The following RFX3 variants were observed in gnomAD, a reference collection of about 807,000 sequenced individuals.
RFX3 encodes regulatory factor X3, also known as transcription factor RFX3.
In RFX3, 14 loss-of-function variants were observed where a neutral mutation model predicts 98.6. The ratio of observed to expected loss-of-function variants is 0.14; its 90% CI spans 0.09 to 0.22. The LOEUF is 0.22. RFX3 is among the 10% of genes least tolerant of loss of function. The probability of loss-of-function intolerance (pLI) is 1.00; values close to 1 mark genes in which losing one functional copy is unlikely to be tolerated. For synonymous variants in RFX3, 383 were observed against 328.4 expected (o/e 1.17, Z -1.80); for missense variants, 639 against 926.9 (o/e 0.69, Z 4.03).
At position 3,368,618 on chromosome 9, in the gene RFX3, G is replaced by C. The variant is rs1028230096; in HGVS notation, c.118-21854C>G. 4.6e-5 allele frequency among the ~76,000 whole-genome samples: 7 copies of C among 152,198 alleles called. No homozygotes were observed. In the South Asian group the frequency reaches 1.2e-3, roughly 27 times the overall value. ...TTTCTTTGACATCTCCGTGGTTTTT[G>C]GCTTAGTAAACAAAAGATATTATTG... On this transcript the variant is annotated intron_variant, in intron 2 of 16. Transcript: ENST00000617270.
At chr9:3,469,288 A>G (rs746276450) in intron 1 of RFX3, 32 of 329,252 alleles carry the variant, frequency 9.7e-5, no homozygotes, top group Non-Finnish European at 1.8e-4. Context: ...TTTCATATAC[A>G]TTATTTTCTT....
intron 1 of RFX3, among the ~76,000 whole-genome samples, chr9:3,519,417 TA>T (rs1818487239): frequency 6.6e-6 from 1 of 152,112 alleles, no homozygotes; most frequent in South Asian, 2.1e-4. Context: ...TTGGGCTCAT[TA>T]AAAAAGGGAT....
intron 1 of RFX3, among the ~76,000 whole-genome samples, chr9:3,509,831 A>G (rs904277127): frequency 1.3e-5 from 2 of 151,868 alleles, no homozygotes; most frequent in Admixed American, 6.6e-5. Context: ...CCCTAAGAAC[A>G]TTTGCGGAGG....
intron 14 of RFX3, 121 bp downstream of exon 14, chr9:3,256,870 T>A (rs764856261): frequency 9.1e-6 from 8 of 882,246 alleles, no homozygotes; most frequent in Middle Eastern, 2.9e-4. Flanking sequence ...TAACAGGGAG[T>A]TTCCACAAAC....
intron 15 of RFX3, among the ~76,000 whole-genome samples, chr9:3,235,765 G>A (rs749836535): frequency 3.9e-5 from 6 of 152,054 alleles, no homozygotes; most frequent in Non-Finnish European, 7.4e-5. Context: ...ATGTTAGTAT[G>A]TAGTATTCTA....
intron 2 of RFX3, among the ~76,000 whole-genome samples, chr9:3,370,970 GC>G (rs1470527200): frequency 6.6e-6 from 1 of 152,046 alleles, no homozygotes; most frequent in Non-Finnish European, 1.5e-5. Context: ...GTAATTAAAA[GC>G]AAAGACTCTT....
At chr9:3,276,558 AC>A (rs892282426) in intron 8 of RFX3, among the ~76,000 whole-genome samples, 6 of 152,120 alleles carry the variant, frequency 3.9e-5, no homozygotes, top group African/African-American at 1.4e-4. Context: ...CAAGAATATA[AC>A]CCTAGGACTT....
rs1267252001 is a variant in RFX3, at chr9:3,220,401, C to G, written c.*4641G>C. The G allele has an allele frequency of 6.6e-6, 1 of 151,846 alleles. No homozygotes were observed. The highest frequency in any genetic ancestry group is 1.5e-5 in the Non-Finnish European group (1 of 67,974). The allele number at this position is 151,846 out of a possible 1,614,324, so 9.4% of individuals were successfully genotyped here. On this transcript the variant is annotated 3_prime_UTR_variant, in exon 17 of 17. Coordinates refer to ENST00000617270, the MANE Select transcript of RFX3 (RefSeq NM_001282116.2). Reference sequence around the variant, plus strand: ...ATACCTTTTAAAGGCAATCTAGGTACCTTCAATGTGCAGAAATCAGTTATG... The same window carrying G: ...ATACCTTTTAAAGGCAATCTAGGTAGCTTCAATGTGCAGAAATCAGTTATG...
intron 2 of RFX3, among the ~76,000 whole-genome samples, chr9:3,362,642 T>C (rs923228778): frequency 6.6e-6 from 1 of 152,272 alleles, no homozygotes; most frequent in Non-Finnish European, 1.5e-5. Context: ...ACAGCATAAG[T>C]GTAATAGTGT....
At position 3,225,362 on chromosome 9, in the gene RFX3, A is replaced by G. The variant is rs112400156; in HGVS notation, c.2012-82T>C. On this transcript the variant is annotated intron_variant, in intron 16 of 16. Transcript: ENST00000617270. ...CAACAGGTGCTTTAGAAACACTTTAATATAGGACATTACGAAAGCAACAGC... is the reference window on the plus strand; with the variant it reads ...CAACAGGTGCTTTAGAAACACTTTAGTATAGGACATTACGAAAGCAACAGC... 5.9e-5 allele frequency: 91 copies of G among 1,550,774 alleles called. 2 individuals carry two copies. The African/African-American group carries it at 1.2e-3, about 20-fold the overall frequency.
intron 2 of RFX3, among the ~76,000 whole-genome samples, chr9:3,375,756 C>A (rs767528977): frequency 4.6e-5 from 7 of 151,938 alleles, no homozygotes; most frequent in African/African-American, 7.3e-5. Flanking sequence ...GTCAGGAGAT[C>A]GAGACCATCC....
intron 7 of RFX3, among the ~76,000 whole-genome samples, chr9:3,287,905 T>C (rs1826843447): frequency 6.6e-6 from 1 of 152,010 alleles, no homozygotes; most frequent in South Asian, 2.1e-4. Flanking sequence ...GTTTGGGATG[T>C]CACACTTAAA....
chr9:3,301,417 C>A, intron 5 of RFX3, 129 bp downstream of exon 5: 1 of 559,588 alleles, frequency 1.8e-6, no homozygotes, highest in Non-Finnish European at 3.2e-6. Context: ...ACACAGAGAT[C>A]ATAAGGGGCT....
intron 13 of RFX3, among the ~76,000 whole-genome samples, chr9:3,259,945 A>G (rs1822647676): frequency 6.6e-6 from 1 of 152,026 alleles, no homozygotes; most frequent in African/African-American, 2.4e-5. Flanking sequence ...CAGATTATTG[A>G]GGTTCATGTT....
At position 3,275,496 on chromosome 9, in the gene RFX3, T is replaced by C. The variant is rs1825092356; in HGVS notation, c.1086+4A>G. 1 of 1,527,934 alleles carries C rather than the reference T, an allele frequency of 6.5e-7. No individual in the cohort carries two copies. The highest frequency in any genetic ancestry group is 1.4e-5 in the African/African-American group (1 of 73,192). 94.6% of individuals were successfully genotyped at this position (1,527,934 alleles called of 1,614,324 possible). On this transcript the variant is annotated splice_donor_region_variant and intron_variant, in intron 9 of 16. Coordinates refer to ENST00000617270, the MANE Select transcript of RFX3 (RefSeq NM_001282116.2). Reference sequence around the variant, plus strand: ...GTGTTCATACTACATTTGAAAAGACTTACCTCACAGTGCTCTCTATAAAGA... The same window carrying C: ...GTGTTCATACTACATTTGAAAAGACCTACCTCACAGTGCTCTCTATAAAGA...
At chr9:3,346,606 C>T (rs550831966) in intron 3 of RFX3, 61 bp downstream of exon 3, 2 of 1,078,738 alleles carry the variant, frequency 1.9e-6, no homozygotes, top group African/African-American at 3.1e-5. Context: ...GGGAGGTGTT[C>T]AAAAGTACAT....
chr9:3,282,991 G>C (rs1449818817), intron 7 of RFX3, among the ~76,000 whole-genome samples: 1 of 151,700 alleles, frequency 6.6e-6, no homozygotes, highest in Non-Finnish European at 1.5e-5. Context: ...GAGCATAAGT[G>C]GTGACTGTTA....
At position 3,363,615 on chromosome 9, in the gene RFX3, T is replaced by C. The variant is rs148904440; in HGVS notation, c.118-16851A>G. ...TATTATTAATAGTGATATGCAATAA[T>C]ATTGCATTTGATCTTTGCAAAAATC... On this transcript the variant is annotated intron_variant, in intron 2 of 16. Coordinates refer to ENST00000617270, the MANE Select transcript of RFX3 (RefSeq NM_001282116.2). 3.4e-3 allele frequency among the ~76,000 whole-genome samples: 518 copies of C among 152,354 alleles called. 3 individuals carry two copies. Among genetic ancestry groups the C allele is most frequent in the African/African-American group, 0.012 (496 of 41,596 alleles).
chr9:3,520,911 C>T (rs1410314079), intron 1 of RFX3, among the ~76,000 whole-genome samples: 2 of 152,118 alleles, frequency 1.3e-5, no homozygotes, highest in Admixed American at 1.3e-4. Flanking sequence ...AACTCATAGC[C>T]TCAGGTGATC....
Sources: allele counts gnomAD v4.1 joint callset (sites outside exome capture counted in the v4.1 genomes callset), GRCh38; gene constraint gnomAD v4.1.1; transcripts MANE v1.5; gene names NCBI Gene and HGNC (gene_info 2026-07-23, HGNC 2026-07-21).